RIT2: variants seen among roughly 807,000 people sequenced by gnomAD.
The protein encoded by RIT2 is Ras like without CAAX 2.
A neutral mutation model predicts 23.7 loss-of-function variants in RIT2; 24 were observed. The observed-to-expected ratio is 1.01, with a 90% CI of 0.73 to 1.43. RIT2 has a LOEUF of 1.43. Ranked by LOEUF, RIT2 falls within the 40% of genes most tolerant of loss-of-function variation. The pLI, the probability that RIT2 is intolerant of heterozygous loss-of-function variation, is 0.00. For missense variants in RIT2, 236 were observed against 266.9 expected, an observed-to-expected ratio of 0.88 and a Z score of 0.81; for synonymous variants, 107 against 91.1, an observed-to-expected ratio of 1.17 and a Z score of -0.99.
chr18:42,773,057 T>A (rs900404091), intron 4 of RIT2, among the ~76,000 whole-genome samples: 2 of 152,198 alleles, frequency 1.3e-5, no homozygotes, highest in Non-Finnish European at 2.9e-5. Context: ...GCCTGTTTCT[T>A]TATACACTGT....
chr18:43,041,304 GA>G (rs1422278931), intron 1 of RIT2, among the ~76,000 whole-genome samples: 1 of 152,098 alleles, frequency 6.6e-6, no homozygotes, highest in Non-Finnish European at 1.5e-5. Flanking sequence ...TGAAAATAAA[GA>G]ATGCTTAGTA....
At chr18:42,952,462 C>G (rs116218188) in intron 3 of RIT2, among the ~76,000 whole-genome samples, 1,691 of 152,062 alleles carry the variant, frequency 0.011, 31 homozygotes, top group African/African-American at 0.038. Flanking sequence ...CTACTGTATA[C>G]TATAGTGACT....
At chr18:42,866,164 A>G (rs1388262697) in intron 4 of RIT2, among the ~76,000 whole-genome samples, 1 of 152,174 alleles carries the variant, frequency 6.6e-6, no homozygotes, top group Non-Finnish European at 1.5e-5. Context: ...TGACATGAGA[A>G]GCTGGTTATT....
chr18:43,021,726 G>T (rs760794200), intron 2 of RIT2, among the ~76,000 whole-genome samples: 2 of 152,030 alleles, frequency 1.3e-5, no homozygotes, highest in Admixed American at 6.6e-5. Context: ...CACCATGATT[G>T]TAAGTTTCCT....
intron 1 of RIT2, among the ~76,000 whole-genome samples, chr18:43,099,350 T>TC (rs112524034): frequency 0.017 from 2,662 of 152,148 alleles, 83 homozygotes; most frequent in African/African-American, 0.06. Context: ...TTTTATTTAC[T>TC]CCCCTTTCAT....
At position 42,756,005 on chromosome 18, in the gene RIT2, C is replaced by T. The variant is rs561859544; in HGVS notation, c.427-12285G>A. 8.6e-5 allele frequency among the ~76,000 whole-genome samples: 13 copies of T among 151,880 alleles called. No homozygotes were observed. The South Asian group carries it at 2.5e-3, about 29-fold the overall frequency. Reference sequence around the variant, plus strand: ...ATGCTGGGGGAATAGGAAGGAGTCTCGGTAAAGGGACTAAGAAAGGCCTAA... The same window carrying T: ...ATGCTGGGGGAATAGGAAGGAGTCTTGGTAAAGGGACTAAGAAAGGCCTAA... On this transcript the variant is annotated intron_variant, in intron 4 of 4. Transcript: ENST00000326695.
intron 4 of RIT2, among the ~76,000 whole-genome samples, chr18:42,746,016 A>G (rs186066882): frequency 6.6e-6 from 1 of 152,150 alleles, no homozygotes; most frequent in East Asian, 1.9e-4. Flanking sequence ...TTTAGCAGCT[A>G]AGGAGTAGAT....
At chr18:43,067,311 A>G (rs1221108468) in intron 1 of RIT2, among the ~76,000 whole-genome samples, 1 of 152,158 alleles carries the variant, frequency 6.6e-6, no homozygotes, top group Non-Finnish European at 1.5e-5. Flanking sequence ...CAAACTCTGT[A>G]AAATATTTGA....
chr18:42,812,958 T>C (rs540244304), intron 4 of RIT2, among the ~76,000 whole-genome samples: 88 of 152,308 alleles, frequency 5.8e-4, no homozygotes, highest in South Asian at 2.1e-3. Context: ...AATGTCAATA[T>C]GTGCTTTAAA....
At chr18:42,913,203 A>AC (rs1201953475) in intron 4 of RIT2, among the ~76,000 whole-genome samples, 1 of 151,844 alleles carries the variant, frequency 6.6e-6, no homozygotes, top group East Asian at 1.9e-4. Flanking sequence ...CAGCCAAAAA[A>AC]AAAAAACAAA....
chr18:43,108,007 C>CAA (rs5824469), intron 1 of RIT2, among the ~76,000 whole-genome samples: 6,956 of 136,156 alleles, frequency 0.051, 209 homozygotes, highest in South Asian at 0.12. Context: ...ACTAAAAATA[C>CAA]AAAAAAAAAA....
chr18:42,913,747 C>G (rs985462110), intron 4 of RIT2, among the ~76,000 whole-genome samples: 1 of 151,898 alleles, frequency 6.6e-6, no homozygotes, highest in Non-Finnish European at 1.5e-5. Flanking sequence ...TACAACATTT[C>G]AGCTAGTTAG....
intron 4 of RIT2, among the ~76,000 whole-genome samples, chr18:42,756,014 G>A (rs573547868): frequency 1.4e-4 from 22 of 152,176 alleles, no homozygotes; most frequent in African/African-American, 5.3e-4. Context: ...TCGGTAAAGG[G>A]ACTAAGAAAG....
At chr18:42,857,957 C>G (rs112964291) in intron 4 of RIT2, among the ~76,000 whole-genome samples, 3,631 of 152,156 alleles carry the variant, frequency 0.024, 143 homozygotes, top group African/African-American at 0.081. Flanking sequence ...AAGGCGGGTG[C>G]ATCATCTGAG....
chr18:42,984,815 C>G (rs1195103783), intron 2 of RIT2, among the ~76,000 whole-genome samples: 2 of 151,984 alleles, frequency 1.3e-5, no homozygotes, highest in African/African-American at 4.8e-5. Flanking sequence ...AAACCGAAAG[C>G]TAACATCATG....
intron 2 of RIT2, among the ~76,000 whole-genome samples, chr18:43,022,755 G>A (rs1911626263): frequency 6.6e-6 from 1 of 151,862 alleles, no homozygotes; most frequent in South Asian, 2.1e-4. Flanking sequence ...GAACATATTA[G>A]ATATTTATTA....
rs571305838 is a variant in RIT2 at position 43,084,607 on chromosome 18, T to C, written c.103+30810A>G. ...GGGAGATGGATGAAGCTGGAAACCA[T>C]CATTCTCAGCAAACTAACACAGGAA... is the stretch of plus-strand genomic sequence containing the variant. On this transcript the variant is annotated intron_variant, in intron 1 of 4. Coordinates refer to ENST00000326695, the MANE Select transcript of RIT2 (RefSeq NM_002930.4). Among the ~76,000 whole-genome samples, 3 of 152,188 alleles carry C rather than the reference T, an allele frequency of 2.0e-5. No individual in the cohort carries two copies. The East Asian group carries it at 5.8e-4, about 29-fold the overall frequency.
At chr18:42,965,532 C>A (rs34736916) in intron 3 of RIT2, among the ~76,000 whole-genome samples, 1 of 152,080 alleles carries the variant, frequency 6.6e-6, no homozygotes, top group South Asian at 2.1e-4. Flanking sequence ...TTTATATAAT[C>A]TAAATCCTTT....
chr18:42,804,171 A>G (rs117626380), intron 4 of RIT2, among the ~76,000 whole-genome samples: 1 of 152,250 alleles, frequency 6.6e-6, no homozygotes, highest in Non-Finnish European at 1.5e-5. Flanking sequence ...ACAAAGCATC[A>G]GCACTTTCAG....
Sources: gnomAD v4.1 joint callset for allele counts (sites outside exome capture counted in the v4.1 genomes callset) on GRCh38, gnomAD v4.1.1 for gene constraint, MANE v1.5 for transcripts, NCBI Gene and HGNC (gene_info 2026-07-23, HGNC 2026-07-21) for gene names.